SLCO2B1: variants seen among roughly 807,000 people sequenced by gnomAD.
SLCO2B1 encodes solute carrier organic anion transporter family member 2B1, also known as OATP-RP2.
In SLCO2B1, 41 loss-of-function variants were observed where a neutral mutation model predicts 67.3. The observed-to-expected ratio is 0.61, with a 90% confidence interval of 0.47 to 0.79. The LOEUF (loss-of-function observed/expected upper bound fraction) is 0.79. SLCO2B1 is among the 30% of genes least tolerant of loss of function. The probability of loss-of-function intolerance (pLI) is 0.00; values close to 1 mark genes in which losing one functional copy is unlikely to be tolerated. For synonymous variants in SLCO2B1, 379 were observed against 381.4 expected (o/e 0.99, Z 0.07); for missense variants, 837 against 920.1 (o/e 0.91, Z 1.17).
At chr11:75,153,557 C>T (rs1033657161) in intron 1 of SLCO2B1, among the ~76,000 whole-genome samples, 2 of 152,214 alleles carry the variant, frequency 1.3e-5, no homozygotes, top group Admixed American at 6.5e-5. Context: ...TCTTCCTCTC[C>T]GTGCCATTGC....
rs551201485 is a variant in SLCO2B1 at position 75,183,269 on chromosome 11, G to A, written c.973-4867G>A. Among the ~76,000 whole-genome samples, 89 of 152,126 alleles carry A rather than the reference G, an allele frequency of 5.9e-4. 2 individuals are homozygous for A. In the South Asian group the frequency reaches 0.018, roughly 30 times the overall value. ...TTTTCATACTAAGTCTTCAAAATGCGATGTGTATTTTATGCCTACAGCACA... is the reference window on the plus strand; with the variant it reads ...TTTTCATACTAAGTCTTCAAAATGCAATGTGTATTTTATGCCTACAGCACA... On this transcript the variant is annotated intron_variant, in intron 7 of 13. Coordinates refer to ENST00000289575, the MANE Select transcript of SLCO2B1 (RefSeq NM_007256.5).
intron 3 of SLCO2B1, among the ~76,000 whole-genome samples, chr11:75,164,983 G>A (rs144076282): frequency 3.9e-5 from 6 of 152,108 alleles, no homozygotes; most frequent in Non-Finnish European, 7.4e-5. Flanking sequence ...CACTCCCCCA[G>A]CGAGGAGTGT....
At chr11:75,176,087 A>C (rs1950019459) in intron 7 of SLCO2B1, among the ~76,000 whole-genome samples, 1 of 152,166 alleles carries the variant, frequency 6.6e-6, no homozygotes. Context: ...TCCTGTCTAC[A>C]ATCAGCCAGT....
chr11:75,158,795 C>T (rs558623000), intron 1 of SLCO2B1, among the ~76,000 whole-genome samples: 22 of 152,318 alleles, frequency 1.4e-4, no homozygotes, highest in Middle Eastern at 6.8e-3. Context: ...GGTCTGAGGC[C>T]TTAAAGCCTA....
rs529528809 is a variant in SLCO2B1 at position 75,198,492 on chromosome 11, G to A, written c.1600-1732G>A. ...ACTCAGTAATACACATTTCTATTAC[G>A]CCCATTGTACAGATGAGAAATGGAG... On this transcript the variant is annotated intron_variant, in intron 10 of 13. Transcript: ENST00000289575. 2.0e-4 allele frequency among the ~76,000 whole-genome samples: 31 copies of A among 152,262 alleles called. No individual in the cohort carries two copies. The South Asian group carries it at 2.7e-3, about 13-fold the overall frequency.
chr11:75,155,250 C>G (rs907311850), intron 1 of SLCO2B1, among the ~76,000 whole-genome samples: 3 of 152,098 alleles, frequency 2.0e-5, no homozygotes, highest in East Asian at 1.9e-4. Flanking sequence ...CCAAATATGA[C>G]AGCCAAGCCC....
At chr11:75,172,847 T>G (rs1949981146) in intron 7 of SLCO2B1, among the ~76,000 whole-genome samples, 1 of 151,840 alleles carries the variant, frequency 6.6e-6, no homozygotes, top group African/African-American at 2.4e-5. Flanking sequence ...AAGAATCGCT[T>G]GAACCTGGGA....
chr11:75,154,743 T>C (rs1949728500), intron 1 of SLCO2B1, among the ~76,000 whole-genome samples: 1 of 152,234 alleles, frequency 6.6e-6, no homozygotes, highest in Non-Finnish European at 1.5e-5. Flanking sequence ...GCAGGAAGCC[T>C]GCCCTGACCC....
At chr11:75,167,501 G>T (rs956498602) in intron 4 of SLCO2B1, among the ~76,000 whole-genome samples, 1 of 152,080 alleles carries the variant, frequency 6.6e-6, no homozygotes, top group Admixed American at 6.5e-5. Context: ...GAGACTCGGG[G>T]ATCTCCAAAC....
At chr11:75,196,438 C>T in intron 9 of SLCO2B1, 76 bp from the exon 10 acceptor site, 2 of 1,460,622 alleles carry the variant, frequency 1.4e-6, no homozygotes, top group Non-Finnish European at 1.9e-6. Context: ...CTCTCGGCTA[C>T]AGGGCCGAGG....
chr11:75,204,764 G>A lies in SLCO2B1; in HGVS notation c.*184G>A, dbSNP rs1028055655. The A allele has an allele frequency of 2.1e-6, 1 of 470,864 alleles. No individual in the cohort carries two copies. Among genetic ancestry groups the A allele is most frequent in the Non-Finnish European group, 3.6e-6 (1 of 279,498 alleles). 29.2% of individuals were successfully genotyped at this position (470,864 alleles called of 1,614,324 possible). On this transcript the variant is annotated 3_prime_UTR_variant, in exon 14 of 14. Transcript: ENST00000289575. Reference sequence around the variant, plus strand: ...TTTGCTTGCTAGTCTGAACCAAAGAGTTGTTTGGGCATTTGCTGTGTTGGC... The same window carrying A: ...TTTGCTTGCTAGTCTGAACCAAAGAATTGTTTGGGCATTTGCTGTGTTGGC...
At chr11:75,173,807 A>C (rs1949993286) in intron 7 of SLCO2B1, among the ~76,000 whole-genome samples, 1 of 152,176 alleles carries the variant, frequency 6.6e-6, no homozygotes, top group Non-Finnish European at 1.5e-5. Flanking sequence ...AACAATTTTT[A>C]AAGTTTATTT....
intron 2 of SLCO2B1, 50 bp downstream of exon 2, chr11:75,162,835 TGCCAC>T (rs1176370838): frequency 6.3e-7 from 1 of 1,582,190 alleles, no homozygotes; most frequent in Non-Finnish European, 8.6e-7. Flanking sequence ...GAGCAGGCTC[TGCCAC>T]GTGCTGGTGG....
chr11:75,164,183 T>C (rs2140308124), intron 3 of SLCO2B1, 83 bp downstream of exon 3: 10 of 1,445,802 alleles, frequency 6.9e-6, no homozygotes, highest in Non-Finnish European at 8.4e-6. Flanking sequence ...CTCACTACCC[T>C]ACCTTAAGGC....
At chr11:75,196,375 G>A (rs2140341095) in intron 9 of SLCO2B1, 139 bp from the exon 10 acceptor site, 2 of 821,676 alleles carry the variant, frequency 2.4e-6, no homozygotes, top group East Asian at 2.7e-5. Flanking sequence ...GCCATCATCG[G>A]GCAGCCCTGA....
At chr11:75,165,650 G>A (rs1415578066) in intron 3 of SLCO2B1, 137 bp from the exon 4 acceptor site, 5 of 1,029,238 alleles carry the variant, frequency 4.9e-6, no homozygotes, top group Non-Finnish European at 7.2e-6. Flanking sequence ...GGGGGACCCA[G>A]GAGAGGGACC....
intron 1 of SLCO2B1, among the ~76,000 whole-genome samples, chr11:75,159,329 C>T (rs1049172988): frequency 1.3e-5 from 2 of 152,250 alleles, no homozygotes; most frequent in African/African-American, 4.8e-5. Context: ...TAGCTGCCCA[C>T]CTGGGAGAGA....
intron 9 of SLCO2B1, among the ~76,000 whole-genome samples, chr11:75,194,884 G>A (rs1322387928): frequency 5.3e-5 from 8 of 152,126 alleles, no homozygotes; most frequent in East Asian, 3.9e-4. Context: ...AAATTCTTGC[G>A]ATTTATTCAC....
At chr11:75,195,971 A>G (rs1373621743) in intron 9 of SLCO2B1, among the ~76,000 whole-genome samples, 1 of 152,110 alleles carries the variant, frequency 6.6e-6, no homozygotes, top group Non-Finnish European at 1.5e-5. Flanking sequence ...AGGCCCTTGG[A>G]GGGAGGCAAG....
Sources: gnomAD v4.1 joint callset for allele counts (sites outside exome capture counted in the v4.1 genomes callset) on GRCh38, gnomAD v4.1.1 for gene constraint, MANE v1.5 for transcripts, NCBI Gene and HGNC (gene_info 2026-07-23, HGNC 2026-07-21) for gene names.